SORD: variants seen among roughly 807,000 people sequenced by gnomAD.
The protein encoded by SORD is sorbitol dehydrogenase, also known as (R,R)-butanediol dehydrogenase.
SORD carries 18 observed loss-of-function variants against 35.6 expected under a neutral mutation model. That is an observed-to-expected ratio of 0.51 (90% CI 0.35 to 0.75). The LOEUF (loss-of-function observed/expected upper bound fraction) is 0.75. Among genes scored for constraint, SORD ranks in the 30% least tolerant of loss-of-function variants. The pLI is 0.01. For synonymous variants in SORD, 106 were observed against 152.9 expected (o/e 0.69, Z 2.26); for missense variants, 250 against 390.2 (o/e 0.64, Z 3.03).
intron 1 of SORD, among the ~76,000 whole-genome samples, chr15:45,029,722 T>C (rs976821617): frequency 1.1e-4 from 17 of 152,358 alleles, no homozygotes; most frequent in Non-Finnish European, 2.2e-4. Flanking sequence ...CCAAGAAGAA[T>C]GAGGTCACGC....
At position 45,073,557 on chromosome 15, in the gene SORD, A is replaced by G. The variant is rs1310292414; in HGVS notation, c.*27A>G. 1 of 1,600,026 alleles carries G rather than the reference A, an allele frequency of 6.2e-7. No individual in the cohort carries two copies. Among genetic ancestry groups the G allele is most frequent in the Admixed American group, 1.7e-5 (1 of 58,372 alleles). ...GTTAATGGGCTCTGCCCTCATCCCC[A>G]CAGTCTTGGGATCTCAGGGCACAAT... On this transcript the variant is annotated 3_prime_UTR_variant, in exon 9 of 9. Transcript: ENST00000267814.
intron 7 of SORD, 28 bp downstream of exon 7, chr15:45,069,080 A>G: frequency 1.9e-6 from 3 of 1,581,806 alleles, no homozygotes; most frequent in Non-Finnish European, 2.6e-6. Flanking sequence ...AGCTTTGGGG[A>G]ATCAGCATAG....
chr15:45,027,682 T>A (rs1282258542), intron 1 of SORD, among the ~76,000 whole-genome samples: 3 of 152,276 alleles, frequency 2.0e-5, no homozygotes, highest in African/African-American at 7.2e-5. Context: ...GTTTAATTAC[T>A]GTATGCCCCT....
chr15:45,061,884 A>G (rs1893318551), intron 4 of SORD, among the ~76,000 whole-genome samples: 1 of 151,966 alleles, frequency 6.6e-6, no homozygotes, highest in African/African-American at 2.4e-5. Context: ...GAAAAACAAC[A>G]ACAATGACCT....
intron 7 of SORD, among the ~76,000 whole-genome samples, chr15:45,071,584 T>C (rs535343513): frequency 3.2e-4 from 49 of 152,282 alleles, no homozygotes; most frequent in Admixed American, 1.7e-3. Flanking sequence ...ATCAGCATGA[T>C]TGAATTATCC....
At chr15:45,029,849 T>C (rs958297120) in intron 1 of SORD, among the ~76,000 whole-genome samples, 1 of 152,206 alleles carries the variant, frequency 6.6e-6, no homozygotes, top group Non-Finnish European at 1.5e-5. Context: ...AGAAGTCAGG[T>C]TGTCTCCTCC....
intron 3 of SORD, among the ~76,000 whole-genome samples, chr15:45,057,999 A>G (rs1436323716): frequency 6.6e-6 from 1 of 152,176 alleles, no homozygotes; most frequent in African/African-American, 2.4e-5. Flanking sequence ...AAAAACAGCA[A>G]TTCTTTGAGT....
At chr15:45,068,504 G>A (rs1317287175) in intron 6 of SORD, among the ~76,000 whole-genome samples, 1 of 151,186 alleles carries the variant, frequency 6.6e-6, no homozygotes, top group Non-Finnish European at 1.5e-5. Flanking sequence ...GTATATGAGG[G>A]TGTAGAGCAG....
At chr15:45,039,728 G>C (rs986042760) in intron 1 of SORD, among the ~76,000 whole-genome samples, 3 of 152,306 alleles carry the variant, frequency 2.0e-5, no homozygotes, top group Admixed American at 6.5e-5. Context: ...ATCAGTCTTT[G>C]TGCTGATGTA....
intron 3 of SORD, among the ~76,000 whole-genome samples, chr15:45,056,434 G>A (rs570114390): frequency 2.6e-5 from 4 of 152,280 alleles, no homozygotes; most frequent in South Asian, 2.1e-4. Flanking sequence ...TACAAGGGAC[G>A]TGAAGGACCT....
Position 45,074,299 on chromosome 15 carries a change from CT to C in SORD, c.*770del, listed in dbSNP as rs1407298180. 1 of 148,216 alleles carries C rather than the reference CT, an allele frequency of 6.7e-6. No individual in the cohort carries two copies. The highest frequency in any genetic ancestry group is 6.6e-5 in the Admixed American group (1 of 15,084). 9.2% of individuals were successfully genotyped at this position (148,216 alleles called of 1,614,324 possible). ...CTCCCCAACATGCCCCAGCCCACCC[CT>C]AAGCATGGTCCCTTGTCACCAGGCA... is the stretch of plus-strand genomic sequence containing the variant. On this transcript the variant is annotated 3_prime_UTR_variant, in exon 9 of 9. Transcript: ENST00000267814.
intron 3 of SORD, among the ~76,000 whole-genome samples, chr15:45,051,361 T>C (rs1893121175): frequency 6.6e-6 from 1 of 152,176 alleles, no homozygotes; most frequent in South Asian, 2.1e-4. Flanking sequence ...CCCACGTAAC[T>C]AAACATGTCA....
chr15:45,023,277 G>C lies in SORD; in HGVS notation c.-7G>C. The C allele has an allele frequency of 6.3e-7, 1 of 1,579,602 alleles. No homozygotes were observed. The highest frequency in any genetic ancestry group is 8.6e-7 in the Non-Finnish European group (1 of 1,164,778). On this transcript the variant is annotated 5_prime_UTR_variant, in exon 1 of 9. Coordinates refer to ENST00000267814, the MANE Select transcript of SORD (RefSeq NM_003104.6). ...TCCAGGCCGCACTCCAGAGCCAAAAGAGCTCCATGGCGGCGGCGGCCAAGC... is the reference window on the plus strand; with the variant it reads ...TCCAGGCCGCACTCCAGAGCCAAAACAGCTCCATGGCGGCGGCGGCCAAGC...
chr15:45,061,269 C>T (rs1291360895), intron 4 of SORD, 43 bp downstream of exon 4: 7 of 1,601,548 alleles, frequency 4.4e-6, no homozygotes, highest in South Asian at 1.1e-5. Flanking sequence ...GACCTCTTTC[C>T]CTTCATTAGC....
intron 3 of SORD, chr15:45,046,956 T>A (rs953229707): frequency 6.6e-6 from 1 of 152,232 alleles, no homozygotes; most frequent in African/African-American, 2.4e-5. Flanking sequence ...AGGTAGAGGT[T>A]GCAGTGAGCT....
chr15:45,042,536 G>C (rs1455458959), intron 2 of SORD: 1 of 150,156 alleles, frequency 6.7e-6, no homozygotes, highest in African/African-American at 2.5e-5. Context: ...ATAAAGGAAA[G>C]AAAACAATAG....
intron 1 of SORD, among the ~76,000 whole-genome samples, chr15:45,036,679 G>A (rs1437280321): frequency 6.6e-6 from 1 of 152,168 alleles, no homozygotes. Flanking sequence ...TGTAGCCTGA[G>A]TGCAGTGACA....
chr15:45,035,772 A>C (rs965481146), intron 1 of SORD, among the ~76,000 whole-genome samples: 11 of 152,044 alleles, frequency 7.2e-5, no homozygotes, highest in South Asian at 2.1e-4. Context: ...AGCCAGCGAG[A>C]CCACGAGCCC....
At chr15:45,028,970 G>A (rs1217238655) in intron 1 of SORD, among the ~76,000 whole-genome samples, 1 of 152,218 alleles carries the variant, frequency 6.6e-6, no homozygotes, top group Non-Finnish European at 1.5e-5. Flanking sequence ...GCTTCTATGT[G>A]ATCAGATTAA....
Sources: gnomAD v4.1 joint callset for allele counts (sites outside exome capture counted in the v4.1 genomes callset) on GRCh38, gnomAD v4.1.1 for gene constraint, MANE v1.5 for transcripts, NCBI Gene and HGNC (gene_info 2026-07-23, HGNC 2026-07-21) for gene names.